Variants in BPIFA2 observed in about 807,000 individuals in gnomAD.
BPIFA2 encodes BPI fold containing family A member 2.
In BPIFA2, 20 loss-of-function variants were observed where a neutral mutation model predicts 25.7. The ratio of observed to expected loss-of-function variants is 0.78; its 90% confidence interval spans 0.55 to 1.13. The LOEUF is 1.13. BPIFA2 is among the 50% of genes most tolerant of loss of function. BPIFA2 has a pLI of 0.00. For missense variants in BPIFA2, 300 were observed against 298.1 expected, an observed-to-expected ratio of 1.01 and a Z score of -0.05; for synonymous variants, 126 against 124.3, an observed-to-expected ratio of 1.01 and a Z score of -0.09.
At chr20:33,180,933 C>G (rs531212088) in intron 8 of BPIFA2, among the ~76,000 whole-genome samples, 1 of 152,334 alleles carries the variant, frequency 6.6e-6, no homozygotes, top group South Asian at 2.1e-4. Context: ...ATATTGGGCC[C>G]TGAACCTGGC....
intron 2 of BPIFA2, among the ~76,000 whole-genome samples, chr20:33,171,318 A>T (rs1392135216): frequency 3.3e-5 from 5 of 152,140 alleles, no homozygotes; most frequent in African/African-American, 4.8e-5. Flanking sequence ...TCTATAAATT[A>T]CTTTGGGCAG....
upstream of BPIFA2, among the ~76,000 whole-genome samples, chr20:33,166,453 C>T (rs1029421501): frequency 2.0e-5 from 3 of 152,212 alleles, no homozygotes; most frequent in Admixed American, 6.5e-5. Flanking sequence ...TTGCTGTTGC[C>T]GTGCATCATG....
upstream of BPIFA2, among the ~76,000 whole-genome samples, chr20:33,163,347 G>T (rs1273516589): frequency 6.6e-6 from 1 of 152,208 alleles, no homozygotes; most frequent in Non-Finnish European, 1.5e-5. Context: ...GCAGAATCAT[G>T]ATCCCCAACC....
intron 4 of BPIFA2, among the ~76,000 whole-genome samples, 196 bp from the exon 5 acceptor site, chr20:33,175,211 C>T (rs1984032389): frequency 6.6e-6 from 1 of 152,002 alleles, no homozygotes; most frequent in Non-Finnish European, 1.5e-5. Flanking sequence ...TGAGCTAAAC[C>T]CAAGTGGCCA....
At chr20:33,168,631 G>A (rs966736562) in intron 1 of BPIFA2, among the ~76,000 whole-genome samples, 11 of 152,094 alleles carry the variant, frequency 7.2e-5, no homozygotes, top group African/African-American at 1.7e-4. Context: ...CTGAGGATTC[G>A]ACAGTGAAAT....
intron 5 of BPIFA2, among the ~76,000 whole-genome samples, chr20:33,176,275 C>G (rs1984072399): frequency 1.3e-5 from 2 of 152,238 alleles, no homozygotes; most frequent in Non-Finnish European, 2.9e-5. Context: ...ATCTTAAGCT[C>G]TGTGCCTGAA....
At chr20:33,169,062 T>C (rs1372160220) in intron 1 of BPIFA2, 69 bp from the exon 2 acceptor site, 2 of 1,307,200 alleles carry the variant, frequency 1.5e-6, no homozygotes, top group African/African-American at 1.5e-5. Flanking sequence ...TTAAGAGTGA[T>C]GGGAACTCAC....
upstream of BPIFA2, among the ~76,000 whole-genome samples, chr20:33,166,964 G>A (rs6057738): frequency 5.3e-4 from 80 of 152,338 alleles, no homozygotes; most frequent in African/African-American, 1.8e-3. Flanking sequence ...CAGGCAGCCA[G>A]GGAAGGAGGT....
In BPIFA2 at chr20:33,175,452, CCTGACCGCAGTCACAATTGAAA is replaced by C. The variant is rs1568609084; in HGVS notation, c.461_482del (p.Thr154IlefsTer37). 6.2e-7 allele frequency: 1 copy of C among 1,613,936 alleles called. No homozygotes were observed. The highest frequency in any genetic ancestry group is 1.3e-5 in the African/African-American group (1 of 74,926). On this transcript the variant is annotated frameshift_variant, in exon 5 of 9. Coordinates refer to ENST00000354932, the MANE Select transcript of BPIFA2 (RefSeq NM_080574.4). LOFTEE classifies it high-confidence loss of function. Reference sequence around the variant, plus strand: ...TCAACCTGAAAGCCTCCTTGGACCTCCTGACCGCAGTCACAATTGAAACTGATCCCCAGACACACCAGCCTGT... The same window carrying C: ...TCAACCTGAAAGCCTCCTTGGACCTCCTGATCCCCAGACACACCAGCCTGT...
chr20:33,179,032 A>G (rs1341450078), intron 6 of BPIFA2, among the ~76,000 whole-genome samples: 2 of 152,160 alleles, frequency 1.3e-5, no homozygotes. Flanking sequence ...ACAATCTAGA[A>G]TGTAGATTTT....
chr20:33,162,792 T>C (rs577459096), intron 1 of BPIFA2, among the ~76,000 whole-genome samples: 1 of 152,326 alleles, frequency 6.6e-6, no homozygotes, highest in African/African-American at 2.4e-5. Context: ...AGCCACGTTT[T>C]GGAATCCTCC....
chr20:33,175,541 C>T lies in BPIFA2; in HGVS notation c.545C>T (p.Ser182Leu). The change falls in exon 5 of 9, where the codon TCA becomes TTA. Residue 182 changes from serine to leucine, a missense_variant. Physicochemically the swap from Ser to Leu is moderately radical, Grantham distance 145. Transcript: ENST00000354932. Reference sequence around the variant, plus strand: ...TGCGCCAGTGACCCAACCAGCATCTCACTTTCCTTGCTGGACAAGTAAGTC... The same window carrying T: ...TGCGCCAGTGACCCAACCAGCATCTTACTTTCCTTGCTGGACAAGTAAGTC... ...GECASDPTSISLSLLDKHSQI... is the reference protein window; with the variant it reads ...GECASDPTSILLSLLDKHSQI... 6.2e-7 allele frequency: 1 copy of T among 1,614,118 alleles called. No homozygotes were observed. The highest frequency in any genetic ancestry group is 8.5e-7 in the Non-Finnish European group (1 of 1,180,000).
rs772785398 is a variant in BPIFA2, at chr20:33,169,305, A to T, written c.157+3A>T. The T allele has an allele frequency of 1.2e-6, 2 of 1,613,598 alleles. No homozygotes were observed. The highest frequency in any genetic ancestry group is 1.7e-6 in the Non-Finnish European group (2 of 1,179,496). ...GACAGTTGACAATACTCTTAAAGGT[A>T]AATCAACAAGGGTGATGAACAGTGT... On this transcript the variant is annotated splice_donor_region_variant and intron_variant, in intron 2 of 8. Transcript: ENST00000354932.
chr20:33,180,567 C>A lies in BPIFA2; in HGVS notation c.*7C>A. ...GCTGCAAACCCTCATCTGAAGAGGA[C>A]GAATGAGGAGGACCACTGTGGTGCA... On this transcript the variant is annotated 3_prime_UTR_variant, in exon 8 of 9. Transcript: ENST00000354932. 6.2e-7 allele frequency: 1 copy of A among 1,611,700 alleles called. No homozygotes were observed. Among genetic ancestry groups the A allele is most frequent in the South Asian group, 1.1e-5 (1 of 91,046 alleles).
chr20:33,175,247 T>C lies in BPIFA2; in HGVS notation c.411-160T>C, dbSNP rs185305086. ...GGAGAAGAAGCCCCTAATATAAACA[T>C]GTAAATCTCATAGAGGATATGGACC... On this transcript the variant is annotated intron_variant, in intron 4 of 8. Coordinates refer to ENST00000354932, the MANE Select transcript of BPIFA2 (RefSeq NM_080574.4). Among the ~76,000 whole-genome samples, 356 of 152,314 alleles carry C rather than the reference T, an allele frequency of 2.3e-3. 2 individuals carry two copies. The highest frequency in any genetic ancestry group is 3.4e-3 in the Non-Finnish European group (230 of 68,032).
intron 5 of BPIFA2, 21 bp from the exon 6 acceptor site, chr20:33,178,126 A>T (rs773913502): frequency 6.4e-7 from 1 of 1,570,722 alleles, no homozygotes; most frequent in Non-Finnish European, 8.7e-7. Context: ...CCAGACTTTA[A>T]TAGTTCCCTG....
chr20:33,180,048 T>C (rs1008982219), intron 7 of BPIFA2, among the ~76,000 whole-genome samples: 1 of 151,808 alleles, frequency 6.6e-6, no homozygotes, highest in Non-Finnish European at 1.5e-5. Context: ...TGAAACCCCA[T>C]CTCTACTAAA....
chr20:33,166,700 GT>G (rs2146449006), upstream of BPIFA2, among the ~76,000 whole-genome samples: 1 of 152,216 alleles, frequency 6.6e-6, no homozygotes, highest in South Asian at 2.1e-4. Context: ...CCTCACCATC[GT>G]TTTGATTTCC....
At chr20:33,171,009 T>C (rs1186887702) in intron 2 of BPIFA2, among the ~76,000 whole-genome samples, 2 of 152,206 alleles carry the variant, frequency 1.3e-5, no homozygotes, top group African/African-American at 4.8e-5. Flanking sequence ...CCACTGCTTG[T>C]TTTTGTCAGG....
Sources: gnomAD v4.1 joint callset for allele counts (sites outside exome capture counted in the v4.1 genomes callset) on GRCh38, gnomAD v4.1.1 for gene constraint, MANE v1.5 for transcripts, NCBI Gene and HGNC (gene_info 2026-07-23, HGNC 2026-07-21) for gene names.